AOPEP: variants seen among roughly 807,000 people sequenced by gnomAD.
The protein encoded by AOPEP is aminopeptidase O (putative).
Under a neutral mutation model 98.1 loss-of-function variants are expected in AOPEP, and 77 were observed. The ratio of observed to expected loss-of-function variants is 0.78; its 90% CI spans 0.65 to 0.95. The LOEUF (loss-of-function observed/expected upper bound fraction) is 0.95, where lower values mean the gene tolerates loss of function less well. Ranked by LOEUF, AOPEP falls within the 40% of genes least tolerant of loss-of-function variation. AOPEP has a pLI of 0.00. For missense variants in AOPEP, 1,024 were observed against 1,024.7 expected (o/e 1.00, Z 0.01); for synonymous variants, 346 against 365.3 (o/e 0.95, Z 0.60).
In AOPEP at chr9:94,955,913, C is replaced by T. The variant is rs764287661; in HGVS notation, c.1770C>T (p.Tyr590=). 1.2e-6 allele frequency: 2 copies of T among 1,609,632 alleles called. No homozygotes were observed. The highest frequency in any genetic ancestry group is 1.1e-5 in the South Asian group (1 of 90,920). The change falls in exon 9 of 17, where the codon TAC becomes TAT. Residue 590 remains tyrosine, a synonymous_variant. Transcript: ENST00000375315. ...IFMQVHYLKG[Y]FLLRFLAKRL... ...CTCTTTTTTCTTTCTTCTAGGGCTA[C>T]TTCCTTCTTCGGTTTCTTGCCAAAA...
At chr9:94,825,386 G>A (rs1187419860) in intron 5 of AOPEP, among the ~76,000 whole-genome samples, 3 of 152,326 alleles carry the variant, frequency 2.0e-5, no homozygotes, top group African/African-American at 7.2e-5. Context: ...GGCATCTCCA[G>A]GGAGATAGCC....
At chr9:94,953,786 A>G (rs1161288636) in intron 7 of AOPEP, among the ~76,000 whole-genome samples, 1 of 152,092 alleles carries the variant, frequency 6.6e-6, no homozygotes, top group Non-Finnish European at 1.5e-5. Flanking sequence ...AACACTCCTC[A>G]GTGTTGATCC....
At chr9:94,834,855 A>ACATACAT (rs1564220934) in intron 5 of AOPEP, among the ~76,000 whole-genome samples, 9 of 145,120 alleles carry the variant, frequency 6.2e-5, no homozygotes, top group East Asian at 6.1e-4. Flanking sequence ...CATACATACA[A>ACATACAT]ACAATAAAAC....
intron 3 of AOPEP, among the ~76,000 whole-genome samples, chr9:94,780,923 G>A (rs1294303673): frequency 2.0e-5 from 3 of 152,200 alleles, no homozygotes; most frequent in Non-Finnish European, 2.9e-5. Flanking sequence ...AACAGCAACA[G>A]AAATGACAGC....
intron 5 of AOPEP, among the ~76,000 whole-genome samples, chr9:94,821,990 C>CAA (rs1295271825): frequency 6.9e-6 from 1 of 143,966 alleles, no homozygotes; most frequent in African/African-American, 2.5e-5. Flanking sequence ...CACACACACA[C>CAA]ACACACACAC....
At position 95,086,826 on chromosome 9, in the gene AOPEP, C is replaced by G. The variant is rs2070755332; in HGVS notation, c.*149C>G. On this transcript the variant is annotated 3_prime_UTR_variant, in exon 17 of 17. Coordinates refer to ENST00000375315, the MANE Select transcript of AOPEP (RefSeq NM_001193329.3). ...TGTTCACATCTTGGTGCTTCTCTTT[C>G]CCAGAGGCTGGTCCCAGCCAGGCAC... 1.0e-6 allele frequency: 1 copy of G among 987,980 alleles called. No homozygotes were observed. The highest frequency in any genetic ancestry group is 4.7e-5 in the South Asian group (1 of 21,370). The allele number at this position is 987,980 out of a possible 1,614,324, so 61.2% of individuals were successfully genotyped here.
chr9:94,760,846 T>C (rs1476545170), intron 2 of AOPEP: 1 of 309,622 alleles, frequency 3.2e-6, no homozygotes, highest in Non-Finnish European at 5.9e-6. Context: ...CCATGCTTAA[T>C]GATGAAATCC....
At chr9:94,911,841 T>C (rs139794798) in intron 5 of AOPEP, among the ~76,000 whole-genome samples, 47 of 152,294 alleles carry the variant, frequency 3.1e-4, no homozygotes, top group African/African-American at 1.1e-3. Context: ...CCTCCCAGGG[T>C]ATTTGTCTGT....
chr9:95,105,145 G>A, the AOPEP span, among the ~76,000 whole-genome samples: 8 of 152,228 alleles, frequency 5.3e-5, no homozygotes, highest in East Asian at 1.9e-4. Context: ...ACTCGGATTC[G>A]TCTTAGCTGA....
At chr9:95,060,919 A>G (rs2067266386) in intron 14 of AOPEP, 109 bp downstream of exon 14, 1 of 751,732 alleles carries the variant, frequency 1.3e-6, no homozygotes, top group African/African-American at 1.7e-5. Flanking sequence ...TATTAGCAAA[A>G]TCTCATGTGT....
chr9:94,889,981 G>T (rs1406584127), intron 5 of AOPEP, among the ~76,000 whole-genome samples: 1 of 150,762 alleles, frequency 6.6e-6, no homozygotes, highest in Non-Finnish European at 1.5e-5. Flanking sequence ...CCTCTTTGAA[G>T]TATCTGTGCA....
chr9:94,911,376 C>G (rs932673779), intron 5 of AOPEP, among the ~76,000 whole-genome samples: 3 of 152,254 alleles, frequency 2.0e-5, no homozygotes, highest in Admixed American at 1.3e-4. Flanking sequence ...CATTCACATC[C>G]ATGCTGTCAT....
chr9:95,039,233 G>T (rs1438999817), intron 13 of AOPEP, among the ~76,000 whole-genome samples: 2 of 152,008 alleles, frequency 1.3e-5, no homozygotes, highest in Non-Finnish European at 2.9e-5. Context: ...TAGTATTGTG[G>T]GCATGAGAAA....
chr9:94,849,037 C>CCAAAATG (rs1186754137), intron 5 of AOPEP, among the ~76,000 whole-genome samples: 1 of 152,180 alleles, frequency 6.6e-6, no homozygotes, highest in Non-Finnish European at 1.5e-5. Context: ...CCTCGGCCTC[C>CCAAAATG]CAAAATGCTG....
At chr9:94,979,504 T>C (rs1564475984) in intron 11 of AOPEP, 77 bp downstream of exon 11, 1 of 885,992 alleles carries the variant, frequency 1.1e-6, no homozygotes, top group Admixed American at 2.0e-5. Flanking sequence ...ATCATGACAG[T>C]GATTTCTTAA....
In AOPEP at chr9:94,888,158, G is replaced by C. The variant is rs538146899; in HGVS notation, c.1365-35828G>C. ...TAAGCGAGAAAATCTCTCCATAACAGCTGAGGTGACTGTGTCAACCAATTA... is the reference window on the plus strand; with the variant it reads ...TAAGCGAGAAAATCTCTCCATAACACCTGAGGTGACTGTGTCAACCAATTA... On this transcript the variant is annotated intron_variant, in intron 5 of 16. Transcript: ENST00000375315. Among the ~76,000 whole-genome samples, 16 of 152,254 alleles carry C rather than the reference G, an allele frequency of 1.1e-4. 1 individual carries two copies. The highest frequency in any genetic ancestry group is 1.9e-4 in the Non-Finnish European group (13 of 68,022).
chr9:94,801,127 G>T, intron 5 of AOPEP, 125 bp downstream of exon 5: 1 of 1,129,262 alleles, frequency 8.9e-7, no homozygotes, highest in Non-Finnish European at 1.3e-6. Flanking sequence ...GGTTGCTCAT[G>T]CTTGGACATC....
intron 5 of AOPEP, among the ~76,000 whole-genome samples, chr9:94,855,155 A>G (rs1398621661): frequency 1.3e-5 from 2 of 152,036 alleles, no homozygotes; most frequent in African/African-American, 4.8e-5. Flanking sequence ...TCGGCTCACC[A>G]CAACCTCTGC....
intron 13 of AOPEP, among the ~76,000 whole-genome samples, chr9:95,059,388 G>T (rs2067119081): frequency 6.6e-6 from 1 of 152,154 alleles, no homozygotes; most frequent in South Asian, 2.1e-4. Context: ...TAGGCAAGTG[G>T]GGGCTTTCTT....
Sources: allele counts gnomAD v4.1 joint callset (sites outside exome capture counted in the v4.1 genomes callset), GRCh38; gene constraint gnomAD v4.1.1; transcripts MANE v1.5; gene names NCBI Gene and HGNC (gene_info 2026-07-23, HGNC 2026-07-21).